BAALC: variants seen among roughly 807,000 people sequenced by gnomAD.
The protein encoded by BAALC is brain and acute leukemia cytoplasmic protein.
A neutral mutation model predicts 15.5 loss-of-function variants in BAALC; 9 were observed. The ratio of observed to expected loss-of-function variants is 0.58; its 90% CI spans 0.35 to 1.02. BAALC has a LOEUF of 1.02. Ranked by LOEUF, BAALC falls within the 50% of genes least tolerant of loss-of-function variation. The pLI is 0.02. For synonymous variants in BAALC, 80 were observed against 74.6 expected (o/e 1.07, Z -0.37); for missense variants, 201 against 192.4 (o/e 1.04, Z -0.27).
In BAALC at chr8:103,229,926, G is replaced by A. The variant is rs1245703115; in HGVS notation, c.*1827G>A. On this transcript the variant is annotated 3_prime_UTR_variant, in exon 3 of 3. Transcript: ENST00000309982. ...TCAGCAGGAGCCCCCAGCTGCCAAA[G>A]GTTGGCAGTGATCCTGCAAGTTCAA... 1 of 152,160 alleles carries A rather than the reference G, an allele frequency of 6.6e-6. No individual in the cohort carries two copies. The highest frequency in any genetic ancestry group is 1.5e-5 in the Non-Finnish European group (1 of 68,014). 9.4% of individuals were successfully genotyped at this position (152,160 alleles called of 1,614,324 possible). A position where few individuals can be genotyped will look rare whatever the true frequency, so the allele number is the denominator to read the frequency against.
At chr8:103,217,242 C>A (rs1163016269) in intron 2 of BAALC, among the ~76,000 whole-genome samples, 4 of 152,222 alleles carry the variant, frequency 2.6e-5, no homozygotes, top group Admixed American at 6.5e-5. Flanking sequence ...AATCAGTGGT[C>A]TTTACATCCT....
chr8:103,193,232 A>T (rs1563649548), intron 1 of BAALC, among the ~76,000 whole-genome samples: 1 of 152,210 alleles, frequency 6.6e-6, no homozygotes, highest in Non-Finnish European at 1.5e-5. Flanking sequence ...CATGCAGTAA[A>T]CAGACCCTGA....
chr8:103,211,765 G>T (rs978219313), intron 1 of BAALC, among the ~76,000 whole-genome samples: 3 of 152,134 alleles, frequency 2.0e-5, no homozygotes, highest in Admixed American at 2.0e-4. Context: ...TCTTAACCTG[G>T]GTTTTTCTTT....
At chr8:103,195,111 G>C (rs1407200123) in intron 1 of BAALC, among the ~76,000 whole-genome samples, 1 of 152,106 alleles carries the variant, frequency 6.6e-6, no homozygotes, top group African/African-American at 2.4e-5. Context: ...TCTAGTCCCA[G>C]AATCAAAAAG....
chr8:103,156,199 C>G (rs1402880033), intron 1 of BAALC, among the ~76,000 whole-genome samples: 1 of 152,146 alleles, frequency 6.6e-6, no homozygotes, highest in African/African-American at 2.4e-5. Context: ...AGTCCTAGCC[C>G]TCAGAAACAT....
intron 1 of BAALC, among the ~76,000 whole-genome samples, chr8:103,181,574 G>T (rs561470618): frequency 7.2e-5 from 11 of 152,156 alleles, no homozygotes; most frequent in Admixed American, 5.9e-4. Flanking sequence ...GCCCGGCCAG[G>T]AATATCTTTA....
rs566945006 is a variant in BAALC, at chr8:103,160,728, C to T, written c.160+19671C>T. The stretch of plus-strand genomic sequence containing the variant: ...TGCAAGCTGAGGAGCAAGGAGAGCC[C>T]GTTTGAGTCCCAAAACAAAGAATTT... On this transcript the variant is annotated intron_variant, in intron 1 of 2. Transcript: ENST00000309982. Among the ~76,000 whole-genome samples the T allele has an allele frequency of 2.1e-4, 32 of 152,182 alleles. No individual in the cohort carries two copies. In the South Asian group the frequency reaches 3.3e-3, roughly 16 times the overall value.
intron 1 of BAALC, among the ~76,000 whole-genome samples, chr8:103,199,831 C>T (rs1812175735): frequency 6.6e-6 from 1 of 152,070 alleles, no homozygotes; most frequent in Admixed American, 6.6e-5. Flanking sequence ...TCCAATAGGC[C>T]TCAGTGTGTG....
intron 1 of BAALC, among the ~76,000 whole-genome samples, chr8:103,164,203 G>T (rs1811292262): frequency 6.6e-6 from 1 of 152,136 alleles, no homozygotes; most frequent in Non-Finnish European, 1.5e-5. Flanking sequence ...TAGTGCAAAG[G>T]CCCTGAGACA....
chr8:103,157,120 G>A (rs1273189555), intron 1 of BAALC: 1 of 115,394 alleles, frequency 8.7e-6, no homozygotes, highest in Non-Finnish European at 2.0e-5. Context: ...GAATATGTGT[G>A]TAGGTACACA....
chr8:103,193,585 A>G (rs979312449), intron 1 of BAALC, among the ~76,000 whole-genome samples: 1 of 152,160 alleles, frequency 6.6e-6, no homozygotes, highest in Admixed American at 6.5e-5. Flanking sequence ...AATAGATGGG[A>G]GCAAGACATC....
intron 1 of BAALC, among the ~76,000 whole-genome samples, chr8:103,157,528 G>A (rs768900824): frequency 9.2e-5 from 14 of 152,156 alleles, no homozygotes; most frequent in Admixed American, 3.9e-4. Flanking sequence ...AGATATTGGG[G>A]CTGTCATGGT....
At chr8:103,187,411 C>T (rs774288489) in intron 1 of BAALC, among the ~76,000 whole-genome samples, 11 of 152,262 alleles carry the variant, frequency 7.2e-5, no homozygotes, top group South Asian at 2.1e-4. Context: ...CAGGACAGTT[C>T]CCTACAATAA....
chr8:103,213,067 T>A lies in BAALC; in HGVS notation c.309T>A (p.Asn103Lys). The stretch of plus-strand genomic sequence containing the variant: ...CAGGCCCTCTGACCCAGAAACAGAA[T>A]GGCCTTCAGACCACAGAGGTAGGGT... The part of the protein sequence containing the change: ...LSSGPLTQKQ[N>K]GLQTTEAKRD... Residue 103 changes from asparagine to lysine, a missense_variant, in exon 2 of 3, where the codon AAT (asparagine) becomes AAA (lysine). Transcript: ENST00000309982. The A allele has an allele frequency of 6.2e-7, 1 of 1,613,978 alleles. No individual in the cohort carries two copies. The highest frequency in any genetic ancestry group is 1.1e-5 in the South Asian group (1 of 91,064).
chr8:103,218,751 C>G (rs1168506743), intron 2 of BAALC, among the ~76,000 whole-genome samples: 1 of 152,088 alleles, frequency 6.6e-6, no homozygotes, highest in African/African-American at 2.4e-5. Context: ...AAGGAACTAG[C>G]ATGGGGACTG....
rs776240705 is a variant in BAALC at position 103,200,835 on chromosome 8, G to A, written c.161-12084G>A. The A allele has an allele frequency of 8.5e-6, 5 of 589,558 alleles. No homozygotes were observed. The East Asian group carries it at 1.4e-4, about 16-fold the overall frequency. The allele number at this position is 589,558 out of a possible 1,614,324, so 36.5% of individuals were successfully genotyped here. A position where few individuals can be genotyped will look rare whatever the true frequency, so the allele number is the denominator to read the frequency against. ...CGTTCATGAAGACAGAACCGTCATGGCAATTGCTTCCTAAAGGTCCTGCCT... is the reference window on the plus strand; with the variant it reads ...CGTTCATGAAGACAGAACCGTCATGACAATTGCTTCCTAAAGGTCCTGCCT... On this transcript the variant is annotated intron_variant, in intron 1 of 2. Transcript: ENST00000309982.
Position 103,228,200 on chromosome 8 carries a change from C to T in BAALC, c.*101C>T, listed in dbSNP as rs1382696016. 12 of 758,220 alleles carry T rather than the reference C, an allele frequency of 1.6e-5. No individual in the cohort carries two copies. The highest frequency in any genetic ancestry group is 2.6e-5 in the Non-Finnish European group (12 of 458,146). 47.0% of individuals were successfully genotyped at this position (758,220 alleles called of 1,614,324 possible). A position where few individuals can be genotyped will look rare whatever the true frequency, so the allele number is the denominator to read the frequency against. On this transcript the variant is annotated 3_prime_UTR_variant, in exon 3 of 3. Coordinates refer to ENST00000309982, the MANE Select transcript of BAALC (RefSeq NM_024812.3). ...AAGAAGTGGCTGCCCCTTGCTGGAC[C>T]TGAATTCTACTGAGTCCCTGGCAAG...
At position 103,204,399 on chromosome 8, in the gene BAALC, A is replaced by G. The variant is rs566738626; in HGVS notation, c.161-8520A>G. Reference sequence around the variant, plus strand: ...TCACTTTCTTCATGGTGTCCTTTGAATCACAAAAGTTTTCAGTTTTGATAA... The same window carrying G: ...TCACTTTCTTCATGGTGTCCTTTGAGTCACAAAAGTTTTCAGTTTTGATAA... On this transcript the variant is annotated intron_variant, in intron 1 of 2. Coordinates refer to ENST00000309982, the MANE Select transcript of BAALC (RefSeq NM_024812.3). Among the ~76,000 whole-genome samples, 11 of 152,252 alleles carry G rather than the reference A, an allele frequency of 7.2e-5. No individual in the cohort carries two copies. The South Asian group carries it at 2.1e-3, about 29-fold the overall frequency.
intron 1 of BAALC, among the ~76,000 whole-genome samples, chr8:103,158,005 C>T (rs1330148148): frequency 6.6e-6 from 1 of 152,064 alleles, no homozygotes; most frequent in African/African-American, 2.4e-5. Context: ...TCAGCCAGTG[C>T]CCAAATTTTC....
Sources: allele counts gnomAD v4.1 joint callset (sites outside exome capture counted in the v4.1 genomes callset), GRCh38; gene constraint gnomAD v4.1.1; transcripts MANE v1.5; gene names NCBI Gene and HGNC (gene_info 2026-07-23, HGNC 2026-07-21).